The following THSD7B variants were observed in gnomAD, a reference collection of about 807,000 sequenced individuals.
THSD7B encodes the protein thrombospondin type 1 domain containing 7B.
In THSD7B, 138 loss-of-function variants were observed where a neutral mutation model predicts 213.6. The ratio of observed to expected loss-of-function variants is 0.65; its 90% CI spans 0.56 to 0.74. The LOEUF (loss-of-function observed/expected upper bound fraction) is 0.74. Among genes scored for constraint, THSD7B ranks in the 30% least tolerant of loss-of-function variants. The pLI is 0.00. For missense variants in THSD7B, 1,931 were observed against 1,991.5 expected, an observed-to-expected ratio of 0.97 and a Z score of 0.58; for synonymous variants, 742 against 687.0, an observed-to-expected ratio of 1.08 and a Z score of -1.25.
intron 2 of THSD7B, among the ~76,000 whole-genome samples, chr2:136,922,853 AC>A (rs1444628908): frequency 6.6e-6 from 1 of 151,820 alleles, no homozygotes; most frequent in African/African-American, 2.4e-5. Context: ...ATGTCTTTTA[AC>A]TCTTTCTTGA....
At chr2:137,364,643 G>T (rs1685361185) in intron 12 of THSD7B, among the ~76,000 whole-genome samples, 4 of 152,102 alleles carry the variant, frequency 2.6e-5, no homozygotes, top group Admixed American at 1.3e-4. Context: ...ATTCACAACT[G>T]CTAGAAAGAG....
At chr2:137,572,298 CTTATGTT>C in intron 16 of THSD7B, 101 bp from the exon 17 acceptor site, 1 of 1,345,906 alleles carries the variant, frequency 7.4e-7, no homozygotes, top group South Asian at 1.4e-5. Context: ...CTGTGCTGGT[CTTATGTT>C]ATATTTAACT....
At chr2:137,292,917 C>G (rs1202280) in intron 12 of THSD7B, among the ~76,000 whole-genome samples, 2,886 of 152,176 alleles carry the variant, frequency 0.019, 86 homozygotes, top group African/African-American at 0.065. Context: ...CCTATCTTTA[C>G]CAGTTACCCA....
At chr2:137,526,021 T>A (rs1680271046) in intron 15 of THSD7B, among the ~76,000 whole-genome samples, 1 of 152,092 alleles carries the variant, frequency 6.6e-6, no homozygotes, top group African/African-American at 2.4e-5. Flanking sequence ...TGCAGATATC[T>A]CACCTAGCCA....
chr2:137,326,323 T>C (rs1285144222), intron 12 of THSD7B, among the ~76,000 whole-genome samples: 2 of 152,184 alleles, frequency 1.3e-5, no homozygotes, highest in Admixed American at 1.3e-4. Flanking sequence ...CCTAGATCTT[T>C]GTCTGGCATG....
chr2:137,225,480 C>A (rs17269864), intron 7 of THSD7B, among the ~76,000 whole-genome samples: 42,385 of 152,070 alleles, frequency 0.28, 6,637 homozygotes, highest in Non-Finnish European at 0.35. Context: ...AACACAACCC[C>A]AATGGATAAG....
intron 2 of THSD7B, among the ~76,000 whole-genome samples, chr2:136,927,948 G>T (rs1000233257): frequency 3.3e-5 from 5 of 152,208 alleles, no homozygotes; most frequent in African/African-American, 1.2e-4. Flanking sequence ...TTGGAAGTCA[G>T]GAGGGAGAGA....
At position 137,659,668 on chromosome 2, in the gene THSD7B, C is replaced by T; in HGVS notation, c.4380C>T (p.Gly1460=). The part of the protein sequence containing the change: ...QRSDGVNVTG[G]CSPQARPAAI... ...ATGGTGGAATTTCCTTTGCAGGAGG[C>T]TGCTCCCCTCAGGCCCGTCCTGCTG... is the stretch of plus-strand genomic sequence containing the variant. The change falls in exon 25 of 28, where the codon GGC becomes GGT. Residue 1460 remains glycine (G), a synonymous_variant. Coordinates refer to ENST00000409968, the MANE Select transcript of THSD7B (RefSeq NM_001316349.2). 6.3e-7 allele frequency: 1 copy of T among 1,597,672 alleles called. No individual in the cohort carries two copies. Among genetic ancestry groups the T allele is most frequent in the Non-Finnish European group, 8.5e-7 (1 of 1,171,908 alleles).
At chr2:136,923,670 C>G (rs1333053610) in intron 2 of THSD7B, among the ~76,000 whole-genome samples, 1 of 152,136 alleles carries the variant, frequency 6.6e-6, no homozygotes, top group Non-Finnish European at 1.5e-5. Flanking sequence ...GAGGTGTTAT[C>G]TCTTTGGTTT....
chr2:137,606,383 G>C (rs1682178051), intron 17 of THSD7B, among the ~76,000 whole-genome samples: 1 of 152,136 alleles, frequency 6.6e-6, no homozygotes, highest in Non-Finnish European at 1.5e-5. Context: ...AGCAGATCAA[G>C]TGACTTTGGC....
At chr2:137,079,914 A>G (rs748521161) in intron 3 of THSD7B, among the ~76,000 whole-genome samples, 21 of 152,048 alleles carry the variant, frequency 1.4e-4, no homozygotes, top group Non-Finnish European at 2.4e-4. Flanking sequence ...TTCTCAGCTC[A>G]CTGCAACCTC....
At chr2:137,101,037 T>C (rs545641308) in intron 4 of THSD7B, among the ~76,000 whole-genome samples, 1 of 152,314 alleles carries the variant, frequency 6.6e-6, no homozygotes, top group Non-Finnish European at 1.5e-5. Context: ...AGTTTTCTTT[T>C]TGTTGTCATT....
intron 12 of THSD7B, among the ~76,000 whole-genome samples, chr2:137,371,731 T>G (rs1685538314): frequency 6.6e-6 from 1 of 152,190 alleles, no homozygotes; most frequent in African/African-American, 2.4e-5. Flanking sequence ...GAAAGATTTC[T>G]TTGACTTAAT....
At chr2:137,571,025 G>T (rs751788992) in intron 16 of THSD7B, among the ~76,000 whole-genome samples, 17 of 152,148 alleles carry the variant, frequency 1.1e-4, no homozygotes, top group Non-Finnish European at 1.9e-4. Flanking sequence ...TAGGGGTACA[G>T]CTGGATGAAT....
chr2:137,331,835 G>A (rs1334589585), intron 12 of THSD7B, among the ~76,000 whole-genome samples: 1 of 152,166 alleles, frequency 6.6e-6, no homozygotes, highest in Non-Finnish European at 1.5e-5. Flanking sequence ...TACACCCTCC[G>A]CAGCCGCTGG....
chr2:136,996,890 AT>A (rs1262086521), intron 2 of THSD7B, among the ~76,000 whole-genome samples: 3 of 152,216 alleles, frequency 2.0e-5, no homozygotes. Context: ...GAAAACACTT[AT>A]AAACTGCTGT....
At chr2:137,323,038 T>C (rs1031169436) in intron 12 of THSD7B, among the ~76,000 whole-genome samples, 8 of 152,144 alleles carry the variant, frequency 5.3e-5, no homozygotes, top group African/African-American at 1.7e-4. Context: ...TATTCCTGAC[T>C]CTCAGGCAAG....
At position 137,397,803 on chromosome 2, in the gene THSD7B, C is replaced by T. The variant is rs528790214; in HGVS notation, c.2501-7810C>T. On this transcript the variant is annotated intron_variant, in intron 12 of 27. Transcript: ENST00000409968. Reference sequence around the variant, plus strand: ...ATTCTCCCCATCACTTTCAGGTACACCAATCAGACGTAGATTTGGTCTTTT... The same window carrying T: ...ATTCTCCCCATCACTTTCAGGTACATCAATCAGACGTAGATTTGGTCTTTT... 1.7e-4 allele frequency among the ~76,000 whole-genome samples: 25 copies of T among 148,186 alleles called. 1 individual carries two copies. In the South Asian group the frequency reaches 1.8e-3, roughly 10 times the overall value.
chr2:136,851,589 T>A (rs1683099941), intron 1 of THSD7B, among the ~76,000 whole-genome samples: 1 of 152,204 alleles, frequency 6.6e-6, no homozygotes, highest in African/African-American at 2.4e-5. Context: ...AGCTGGAAAT[T>A]AGCTGATCTG....
Sources: allele counts gnomAD v4.1 joint callset (sites outside exome capture counted in the v4.1 genomes callset), GRCh38; gene constraint gnomAD v4.1.1; transcripts MANE v1.5; gene names NCBI Gene and HGNC (gene_info 2026-07-23, HGNC 2026-07-21).